The following KDM4D variants were observed in gnomAD, a reference collection of about 807,000 sequenced individuals.
KDM4D encodes the protein lysine-specific demethylase 4D.
For synonymous variants in KDM4D, 254 were observed against 249.1 expected, an observed-to-expected ratio of 1.02 and a Z score of -0.19; for missense variants, 427 against 674.8, an observed-to-expected ratio of 0.63 and a Z score of 4.07.
rs12791750 is a variant in KDM4D, at chr11:94,978,469, C to G, written c.-350+2721C>G. Among the ~76,000 whole-genome samples the G allele has an allele frequency of 2.0e-5, 3 of 151,914 alleles. No homozygotes were observed. In the South Asian group the frequency reaches 6.2e-4, roughly 32 times the overall value. ...AGAATATAAAAATAAAGTGTCTAGC[C>G]CTCTACCAACAAAATCTTGATTTTA... On this transcript the variant is annotated intron_variant, in intron 2 of 2. Transcript: ENST00000335080.
chr11:94,975,058 C>T (rs587625161), intron 1 of KDM4D, among the ~76,000 whole-genome samples: 76 of 152,332 alleles, frequency 5.0e-4, no homozygotes, highest in African/African-American at 1.7e-3. Flanking sequence ...CACTCGCTTA[C>T]GCACTAAGCT....
chr11:94,982,562 GAC>G (rs1196482917), intron 2 of KDM4D, among the ~76,000 whole-genome samples: 1 of 142,764 alleles, frequency 7.0e-6, no homozygotes, highest in African/African-American at 2.6e-5. Flanking sequence ...AAAAAAAAGA[GAC>G]ATGACTATTA....
At chr11:94,977,454 G>C (rs868932007) in intron 2 of KDM4D, among the ~76,000 whole-genome samples, 2 of 151,902 alleles carry the variant, frequency 1.3e-5, no homozygotes, top group African/African-American at 4.8e-5. Flanking sequence ...GCTTGGACAC[G>C]CACACAGCTG....
intron 2 of KDM4D, among the ~76,000 whole-genome samples, chr11:94,977,016 T>G (rs1462030647): frequency 7.2e-5 from 11 of 152,154 alleles, no homozygotes; most frequent in African/African-American, 2.4e-4. Flanking sequence ...TTGTAATGCC[T>G]ATAACATATA....
intron 2 of KDM4D, among the ~76,000 whole-genome samples, chr11:94,982,598 A>G (rs1555097702): frequency 1.3e-5 from 2 of 151,502 alleles, no homozygotes; most frequent in African/African-American, 4.8e-5. Flanking sequence ...TATAATTTTT[A>G]TGATTTTTTC....
chr11:94,993,665 AACAGAT>A (rs1176783704), intron 2 of KDM4D, among the ~76,000 whole-genome samples: 2 of 152,150 alleles, frequency 1.3e-5, no homozygotes. Flanking sequence ...CAGTTTATAA[AACAGAT>A]ACAAAGTGCT....
At chr11:94,991,789 T>A (rs1857936856) in intron 2 of KDM4D, among the ~76,000 whole-genome samples, 1 of 146,372 alleles carries the variant, frequency 6.8e-6, no homozygotes, top group Admixed American at 6.8e-5. Context: ...GTAGAGGAAA[T>A]CAAAGAAAGA....
intron 2 of KDM4D, among the ~76,000 whole-genome samples, chr11:94,978,296 A>C (rs1208840857): frequency 6.6e-6 from 1 of 152,212 alleles, no homozygotes; most frequent in African/African-American, 2.4e-5. Flanking sequence ...TTTAAATAGG[A>C]ATACGAAAAA....
At chr11:94,977,310 T>TC (rs1455865853) in intron 2 of KDM4D, among the ~76,000 whole-genome samples, 1 of 152,020 alleles carries the variant, frequency 6.6e-6, no homozygotes, top group Non-Finnish European at 1.5e-5. Flanking sequence ...GGGGCATTGG[T>TC]CCCCCATTAC....
chr11:94,985,522 A>G (rs1555098034), intron 2 of KDM4D, among the ~76,000 whole-genome samples: 1 of 152,222 alleles, frequency 6.6e-6, no homozygotes. Context: ...TGATCTCCAG[A>G]TTGATGCAAT....
At position 94,998,050 on chromosome 11, in the gene KDM4D, G is replaced by A. The variant is rs1188850093; in HGVS notation, c.678G>A (p.Leu226=). 6.2e-7 allele frequency: 1 copy of A among 1,614,084 alleles called. No homozygotes were observed. Among genetic ancestry groups the A allele is most frequent in the Non-Finnish European group, 8.5e-7 (1 of 1,180,046 alleles). Residue 226 remains leucine, a synonymous_variant, in exon 3 of 3, where the codon CTG becomes CTA. Coordinates refer to ENST00000335080, the MANE Select transcript of KDM4D (RefSeq NM_018039.3). The surrounding 1 kb of genome is among the most constrained non-coding windows in gnomAD (Gnocchi z 6.7). ...AACATGGCCAGCGCCTGGAACGCCT[G>A]GCCAGGGAGCTCTTCCCAGGCAGTT... ...PPEHGQRLER[L]ARELFPGSSR...
At chr11:94,984,050 G>A (rs1682404553) in intron 2 of KDM4D, among the ~76,000 whole-genome samples, 1 of 152,028 alleles carries the variant, frequency 6.6e-6, no homozygotes, top group South Asian at 2.1e-4. Context: ...CCCACCAATA[G>A]GAAAGTGCAA....
intron 2 of KDM4D, among the ~76,000 whole-genome samples, chr11:94,976,792 A>G (rs1190233349): frequency 6.6e-6 from 1 of 152,196 alleles, no homozygotes; most frequent in Admixed American, 6.5e-5. Flanking sequence ...AACAAAATCA[A>G]CACCTAAAAG....
chr11:94,987,386 G>A (rs149208534), intron 2 of KDM4D, among the ~76,000 whole-genome samples: 516 of 152,266 alleles, frequency 3.4e-3, no homozygotes, highest in Non-Finnish European at 5.4e-3. Context: ...GTTCTGGCTG[G>A]TTGGAATGCA....
chr11:94,990,545 T>C (rs1485896047), intron 2 of KDM4D, among the ~76,000 whole-genome samples: 1 of 152,238 alleles, frequency 6.6e-6, no homozygotes, highest in East Asian at 1.9e-4. Flanking sequence ...AACACAATCA[T>C]TTACTTTGTT....
At chr11:94,975,276 T>G (rs1238754152) in intron 1 of KDM4D, among the ~76,000 whole-genome samples, 1 of 152,212 alleles carries the variant, frequency 6.6e-6, no homozygotes, top group Non-Finnish European at 1.5e-5. Context: ...CCTGTTTCAT[T>G]TTTCATACCA....
At chr11:94,981,452 T>G (rs1857842222) in intron 2 of KDM4D, among the ~76,000 whole-genome samples, 1 of 152,096 alleles carries the variant, frequency 6.6e-6, no homozygotes, top group African/African-American at 2.4e-5. Context: ...CTAAAATTTC[T>G]TGGTGTAGCC....
chr11:94,982,165 A>G (rs748665541), intron 2 of KDM4D, among the ~76,000 whole-genome samples: 29 of 151,856 alleles, frequency 1.9e-4, no homozygotes, highest in Admixed American at 3.9e-4. Flanking sequence ...TTTGTGGTCA[A>G]ATAACATATT....
At chr11:94,992,955 G>A (rs1270025049) in intron 2 of KDM4D, among the ~76,000 whole-genome samples, 1 of 152,126 alleles carries the variant, frequency 6.6e-6, no homozygotes, top group Non-Finnish European at 1.5e-5. Flanking sequence ...ACTGTCAGAA[G>A]AAACAAGGGC....
Sources: gnomAD v4.1 joint callset for allele counts (sites outside exome capture counted in the v4.1 genomes callset) on GRCh38, gnomAD v4.1.1 for gene constraint, Gnocchi (gnomAD v3.1) non-coding constraint, MANE v1.5 for transcripts, NCBI Gene and HGNC (gene_info 2026-07-23, HGNC 2026-07-21) for gene names.